Variants in PIK3C3 observed in about 807,000 individuals in gnomAD.
PIK3C3 encodes phosphatidylinositol 3-kinase catalytic subunit type 3.
In PIK3C3, 95 loss-of-function variants were observed where a neutral mutation model predicts 126.1. The observed-to-expected ratio is 0.75, with a 90% CI of 0.64 to 0.89. PIK3C3 has a LOEUF of 0.89. Among genes scored for constraint, PIK3C3 ranks in the 40% least tolerant of loss-of-function variants. The pLI, the probability that PIK3C3 is intolerant of heterozygous loss-of-function variation, is 0.00. For synonymous variants in PIK3C3, 374 were observed against 360.0 expected (o/e 1.04, Z -0.44); for missense variants, 829 against 1,063.2 (o/e 0.78, Z 3.06).
At chr18:42,014,741 A>G (rs1567983913) in intron 11 of PIK3C3, among the ~76,000 whole-genome samples, 1 of 152,154 alleles carries the variant, frequency 6.6e-6, no homozygotes, top group Admixed American at 6.6e-5. Flanking sequence ...AAATTATTAC[A>G]TGAGCTCAAG....
chr18:42,066,984 C>G (rs988745871), intron 23 of PIK3C3, among the ~76,000 whole-genome samples: 5 of 151,818 alleles, frequency 3.3e-5, no homozygotes, highest in African/African-American at 1.2e-4. Flanking sequence ...TCATCCAATT[C>G]ACAAGGAATA....
chr18:41,980,161 T>G (rs12455038), intron 4 of PIK3C3, among the ~76,000 whole-genome samples: 33,983 of 151,976 alleles, frequency 0.22, 4,282 homozygotes, highest in South Asian at 0.39. Flanking sequence ...AACACTTAAG[T>G]TCCTAAAATT....
At chr18:41,965,053 G>A (rs1331258104) in intron 3 of PIK3C3, among the ~76,000 whole-genome samples, 2 of 152,170 alleles carry the variant, frequency 1.3e-5, no homozygotes, top group African/African-American at 4.8e-5. Flanking sequence ...TGGACATATT[G>A]CTAAATCAGT....
At chr18:42,029,510 T>A (rs533825359) in intron 15 of PIK3C3, 69 bp downstream of exon 15, 1 of 853,116 alleles carries the variant, frequency 1.2e-6, no homozygotes, top group East Asian at 2.5e-5. Context: ...ATTTTCACTA[T>A]TGTCTTTTTG....
chr18:41,965,317 G>A (rs1275699794), intron 3 of PIK3C3, among the ~76,000 whole-genome samples: 1 of 152,198 alleles, frequency 6.6e-6, no homozygotes, highest in Non-Finnish European at 1.5e-5. Context: ...TTAGGATCTA[G>A]TTTCAGAGGA....
At chr18:42,033,498 C>T (rs1983916920) in intron 15 of PIK3C3, among the ~76,000 whole-genome samples, 1 of 152,274 alleles carries the variant, frequency 6.6e-6, no homozygotes, top group Admixed American at 6.5e-5. Flanking sequence ...TTCACAAATC[C>T]TTGGAAACAG....
intron 1 of PIK3C3, among the ~76,000 whole-genome samples, chr18:41,957,226 G>C (rs1979825676): frequency 6.6e-6 from 1 of 152,184 alleles, no homozygotes; most frequent in South Asian, 2.1e-4. Flanking sequence ...TGAAGAAAAT[G>C]AAACCAAGGC....
intron 21 of PIK3C3, chr18:42,052,698 TATAA>T (rs1462194720): frequency 1.3e-5 from 2 of 152,168 alleles, no homozygotes; most frequent in African/African-American, 4.8e-5. Context: ...TCATATATGT[TATAA>T]ATAGACTTTG....
rs1226414809 is a variant in PIK3C3, at chr18:42,013,574, A to G, written c.1303A>G (p.Ile435Val). 1.9e-6 allele frequency: 3 copies of G among 1,603,790 alleles called. No homozygotes were observed. The highest frequency in any genetic ancestry group is 1.3e-5 in the African/African-American group (1 of 74,456). ...GTCAGAAAATGTGTCAAATTCTGGA[A>G]TAAATTCTGCAGAAATAGATAGGTA... is the stretch of plus-strand genomic sequence containing the variant. ...SVSENVSNSG[I>V]NSAEIDSSQI... Residue 435 changes from isoleucine (I) to valine (V), a missense_variant, in exon 11 of 25, where the codon ATA (isoleucine) becomes GTA (valine). Ile to Val is a conservative substitution (Grantham distance 29). Transcript: ENST00000262039.
chr18:41,989,838 A>T (rs1981687146), intron 5 of PIK3C3, among the ~76,000 whole-genome samples: 1 of 152,172 alleles, frequency 6.6e-6, no homozygotes, highest in African/African-American at 2.4e-5. Context: ...TTTAAAGGGG[A>T]CACAATTATA....
intron 2 of PIK3C3, among the ~76,000 whole-genome samples, chr18:41,961,967 G>C (rs537407604): frequency 1.3e-5 from 2 of 152,182 alleles, no homozygotes; most frequent in African/African-American, 4.8e-5. Flanking sequence ...GAAAATTCTC[G>C]CATAAGAAGT....
chr18:42,080,925 C>T (rs895061082), intron 24 of PIK3C3, among the ~76,000 whole-genome samples, 198 bp from the exon 25 acceptor site: 2 of 152,150 alleles, frequency 1.3e-5, no homozygotes, highest in Non-Finnish European at 2.9e-5. Flanking sequence ...ATTATTTTCT[C>T]ATATAAACTG....
At chr18:41,969,813 A>G (rs1309175047) in intron 3 of PIK3C3, among the ~76,000 whole-genome samples, 1 of 152,244 alleles carries the variant, frequency 6.6e-6, no homozygotes, top group Non-Finnish European at 1.5e-5. Flanking sequence ...TTTATAAAAG[A>G]GGAAACCGAG....
At chr18:42,038,063 CTAAA>C (rs1339144630) in intron 17 of PIK3C3, among the ~76,000 whole-genome samples, 1 of 152,082 alleles carries the variant, frequency 6.6e-6, no homozygotes. Context: ...ATTAAGTTCT[CTAAA>C]TAAGGGATTT....
intron 23 of PIK3C3, among the ~76,000 whole-genome samples, chr18:42,067,172 A>G (rs1985577110): frequency 6.6e-6 from 1 of 152,204 alleles, no homozygotes; most frequent in African/African-American, 2.4e-5. Flanking sequence ...ACTGTTTACA[A>G]CCAACAAGAA....
At chr18:42,029,598 A>G (rs560066555) in intron 15 of PIK3C3, among the ~76,000 whole-genome samples, 157 bp downstream of exon 15, 2 of 125,428 alleles carry the variant, frequency 1.6e-5, no homozygotes, top group East Asian at 4.9e-4. Flanking sequence ...GTTGGAGTGC[A>G]GTGGCACGAT....
chr18:41,993,954 A>G (rs140741700), intron 7 of PIK3C3, among the ~76,000 whole-genome samples: 1 of 152,296 alleles, frequency 6.6e-6, no homozygotes, highest in African/African-American at 2.4e-5. Context: ...TGTAGGCACA[A>G]AATCCTTTTA....
chr18:41,989,237 T>A (rs567412175), intron 5 of PIK3C3, among the ~76,000 whole-genome samples: 436 of 152,120 alleles, frequency 2.9e-3, no homozygotes, highest in Middle Eastern at 3.4e-3. Context: ...CTGGCTAATA[T>A]TTTTAAAATT....
intron 12 of PIK3C3, among the ~76,000 whole-genome samples, chr18:42,017,771 G>A (rs532406648): frequency 7.9e-5 from 12 of 151,866 alleles, no homozygotes; most frequent in South Asian, 6.2e-4. Context: ...ATTTTGTTGC[G>A]TTTATCTTTT....
Sources: allele counts gnomAD v4.1 joint callset (sites outside exome capture counted in the v4.1 genomes callset), GRCh38; gene constraint gnomAD v4.1.1; transcripts MANE v1.5; gene names NCBI Gene and HGNC (gene_info 2026-07-23, HGNC 2026-07-21).